Variants in AVEN observed in about 807,000 individuals in gnomAD.
AVEN encodes the protein cell death regulator Aven.
AVEN carries 41 observed loss-of-function variants against 38.1 expected under a neutral mutation model. The ratio of observed to expected loss-of-function variants is 1.08; its 90% CI spans 0.84 to 1.40. The LOEUF is 1.40. Ranked by LOEUF, AVEN falls within the 40% of genes most tolerant of loss-of-function variation. AVEN has a pLI of 0.00. For synonymous variants in AVEN, 206 were observed against 171.8 expected (o/e 1.20, Z -1.56); for missense variants, 605 against 438.8 (o/e 1.38, Z -3.38).
At chr15:33,967,277 T>A (rs1377759067) in intron 2 of AVEN, among the ~76,000 whole-genome samples, 1 of 152,130 alleles carries the variant, frequency 6.6e-6, no homozygotes, top group Non-Finnish European at 1.5e-5. Context: ...GTATACTTTG[T>A]CTGGATTCTC....
At chr15:33,984,033 T>G (rs1355398201) in intron 2 of AVEN, among the ~76,000 whole-genome samples, 1 of 151,696 alleles carries the variant, frequency 6.6e-6, no homozygotes, top group African/African-American at 2.4e-5. Context: ...CTGTCACAAA[T>G]AAGAAGAGAC....
chr15:33,866,864 T>C, intron 5 of AVEN, 136 bp from the exon 6 acceptor site: 1 of 637,358 alleles, frequency 1.6e-6, no homozygotes, highest in East Asian at 2.8e-5. Flanking sequence ...GATACAGTAA[T>C]ATCTAAACAA....
chr15:33,917,986 A>G (rs1375858465), intron 2 of AVEN, among the ~76,000 whole-genome samples: 1 of 152,228 alleles, frequency 6.6e-6, no homozygotes, highest in Non-Finnish European at 1.5e-5. Flanking sequence ...ATGATTCTTC[A>G]AAGATTTAGT....
intron 2 of AVEN, among the ~76,000 whole-genome samples, chr15:33,932,284 A>G (rs563604918): frequency 6.6e-6 from 1 of 152,204 alleles, no homozygotes; most frequent in African/African-American, 2.4e-5. Context: ...AAACAGCAAG[A>G]GTCTCCATGT....
chr15:34,024,828 T>A (rs1898377970), intron 1 of AVEN, among the ~76,000 whole-genome samples: 4 of 147,936 alleles, frequency 2.7e-5, no homozygotes, highest in Admixed American at 6.9e-5. Flanking sequence ...GCCATTGCAC[T>A]CCAGCCTGGG....
At chr15:34,010,202 T>C (rs941860761) in intron 1 of AVEN, among the ~76,000 whole-genome samples, 48 of 152,338 alleles carry the variant, frequency 3.2e-4, no homozygotes, top group African/African-American at 1.2e-3. Context: ...CCATCCTATT[T>C]AACTTACAAT....
chr15:33,865,262 CAACTTCCCATGA>C, downstream of AVEN: 1 of 1,465,876 alleles, frequency 6.8e-7, no homozygotes. Context: ...TCTGGACAGT[CAACTTCCCATGA>C]AATAAAGTCC....
At chr15:33,861,085 G>GT (rs1289301220) in intron 11 of AVEN, 3 of 1,585,134 alleles carry the variant, frequency 1.9e-6, no homozygotes, top group Non-Finnish European at 1.7e-6. Context: ...TAGACTAAAT[G>GT]TTTCATCTGT....
chr15:33,951,996 C>G (rs1480623592), intron 2 of AVEN, among the ~76,000 whole-genome samples: 1 of 152,056 alleles, frequency 6.6e-6, no homozygotes, highest in African/African-American at 2.4e-5. Context: ...CCATCCCCAC[C>G]CAAGTAAGCA....
At chr15:33,964,613 C>A (rs1056131844) in intron 2 of AVEN, among the ~76,000 whole-genome samples, 5 of 152,090 alleles carry the variant, frequency 3.3e-5, no homozygotes, top group African/African-American at 1.2e-4. Flanking sequence ...TAGTTCATAT[C>A]CCCCCTCATA....
In AVEN at chr15:34,063,416, T is replaced by A; in HGVS notation, n.1143A>T. The A allele has an allele frequency of 1.2e-6, 2 of 1,613,982 alleles. No homozygotes were observed. The highest frequency in any genetic ancestry group is 8.5e-7 in the Non-Finnish European group (1 of 1,180,036). Reference sequence around the variant, plus strand: ...AGGACCTGGCTGACCTCCAGGGTTCTGACTCTGTGACCAAAGCTGAGAAGA... The same window carrying A: ...AGGACCTGGCTGACCTCCAGGGTTCAGACTCTGTGACCAAAGCTGAGAAGA... On this transcript the variant is annotated non_coding_transcript_exon_variant, in exon 5 of 12. Coordinates refer to the AVEN transcript ENST00000675287. This position sits in a 1 kb window ranked among gnomAD's most constrained non-coding sequence, Gnocchi z 4.1.
At chr15:33,926,731 T>C (rs1029874884) in intron 2 of AVEN, among the ~76,000 whole-genome samples, 13 of 152,142 alleles carry the variant, frequency 8.5e-5, no homozygotes, top group Non-Finnish European at 1.3e-4. Flanking sequence ...CTCAGCTCAC[T>C]GAAACCTCCA....
chr15:33,993,063 C>G (rs1248590814), intron 2 of AVEN, among the ~76,000 whole-genome samples: 1 of 152,146 alleles, frequency 6.6e-6, no homozygotes, highest in Non-Finnish European at 1.5e-5. Context: ...TCTGCTCACA[C>G]TGTTAAACAT....
Position 33,866,534 on chromosome 15 carries a change from T to C in AVEN, c.*79A>G. The C allele has an allele frequency of 9.9e-7, 1 of 1,015,124 alleles. No individual in the cohort carries two copies. The highest frequency in any genetic ancestry group is 2.4e-5 in the East Asian group (1 of 41,840). 62.9% of individuals were successfully genotyped at this position (1,015,124 alleles called of 1,614,324 possible). On this transcript the variant is annotated 3_prime_UTR_variant, in exon 6 of 6. Coordinates refer to ENST00000306730, the MANE Select transcript of AVEN (RefSeq NM_020371.3). ...GCTTGAGACATGCTTGTAAACTGGCTGGTCCTGAAGGACAGCCTTATGCCC... is the reference window on the plus strand; with the variant it reads ...GCTTGAGACATGCTTGTAAACTGGCCGGTCCTGAAGGACAGCCTTATGCCC...
At chr15:33,890,806 C>T (rs1891912582) in intron 2 of AVEN, among the ~76,000 whole-genome samples, 1 of 152,168 alleles carries the variant, frequency 6.6e-6, no homozygotes, top group Non-Finnish European at 1.5e-5. Context: ...GAGCTATGAA[C>T]ATGACCATTA....
chr15:33,872,824 A>G (rs1193929842), intron 3 of AVEN, among the ~76,000 whole-genome samples: 1 of 152,082 alleles, frequency 6.6e-6, no homozygotes, highest in Non-Finnish European at 1.5e-5. Flanking sequence ...ACCCTGTCCA[A>G]AGGAAAGGTA....
intron 5 of AVEN, among the ~76,000 whole-genome samples, chr15:34,048,199 C>G (rs895120695): frequency 6.6e-6 from 1 of 152,242 alleles, no homozygotes; most frequent in Non-Finnish European, 1.5e-5. Flanking sequence ...AAGCAGGACC[C>G]GGATCCATTC....
intron 2 of AVEN, among the ~76,000 whole-genome samples, chr15:33,998,844 T>C (rs1289710620): frequency 1.3e-5 from 2 of 152,216 alleles, no homozygotes; most frequent in Non-Finnish European, 2.9e-5. Context: ...CTAGACACTG[T>C]GGTGCCTGGG....
chr15:34,025,886 C>T (rs1898447733), intron 1 of AVEN, among the ~76,000 whole-genome samples: 1 of 152,194 alleles, frequency 6.6e-6, no homozygotes, highest in South Asian at 2.1e-4. Flanking sequence ...ACTTACCACA[C>T]ACAATACCAC....
Sources: allele counts gnomAD v4.1 joint callset (sites outside exome capture counted in the v4.1 genomes callset), GRCh38; gene constraint gnomAD v4.1.1; non-coding constraint Gnocchi (gnomAD v3.1); transcripts MANE v1.5; gene names NCBI Gene and HGNC (gene_info 2026-07-23, HGNC 2026-07-21).